Variants in SDK1 observed in about 807,000 individuals in gnomAD.
The protein encoded by SDK1 is sidekick cell adhesion molecule 1.
In SDK1, 157 loss-of-function variants were observed where a neutral mutation model predicts 245.5. That is an observed-to-expected ratio of 0.64 (90% CI 0.56 to 0.73). SDK1 has a LOEUF of 0.73. SDK1 is among the 30% of genes least tolerant of loss of function. The pLI, the probability that SDK1 is intolerant of heterozygous loss-of-function variation, is 0.00. For synonymous variants in SDK1, 1,647 were observed against 1,278.5 expected, an observed-to-expected ratio of 1.29 and a Z score of -6.15; for missense variants, 3,583 against 3,002.3, an observed-to-expected ratio of 1.19 and a Z score of -4.52.
At chr7:3,736,704 T>G (rs1215797440) in intron 4 of SDK1, among the ~76,000 whole-genome samples, 4 of 152,230 alleles carry the variant, frequency 2.6e-5, no homozygotes, top group Admixed American at 2.0e-4. Flanking sequence ...AGCGTGATGC[T>G]TTGATATACA....
chr7:4,084,699 AT>A (rs1562786753), intron 22 of SDK1, among the ~76,000 whole-genome samples: 1 of 136,430 alleles, frequency 7.3e-6, no homozygotes. Context: ...ATGTTATGTT[AT>A]GTTATGTTAT....
intron 1 of SDK1, among the ~76,000 whole-genome samples, chr7:3,334,190 A>ACTC (rs1201375408): frequency 6.6e-6 from 1 of 152,146 alleles, no homozygotes; most frequent in Non-Finnish European, 1.5e-5. Flanking sequence ...GAGTAGATTG[A>ACTC]AGTGAGTCAA....
intron 4 of SDK1, among the ~76,000 whole-genome samples, chr7:3,663,236 A>G (rs1471729597): frequency 2.0e-5 from 3 of 152,236 alleles, no homozygotes; most frequent in African/African-American, 7.2e-5. Flanking sequence ...TTTTAGAGTA[A>G]GATATATAAT....
intron 2 of SDK1, among the ~76,000 whole-genome samples, chr7:3,619,516 A>T (rs529433190): frequency 4.6e-5 from 7 of 152,270 alleles, no homozygotes; most frequent in Admixed American, 4.6e-4. Context: ...AGCAATGCCA[A>T]TAACAGCTTT....
chr7:3,815,629 A>T (rs1389809724), intron 4 of SDK1, among the ~76,000 whole-genome samples: 1 of 150,160 alleles, frequency 6.7e-6, no homozygotes, highest in African/African-American at 2.5e-5. Context: ...CTGGCCTCAT[A>T]AAATGAGTTA....
intron 1 of SDK1, among the ~76,000 whole-genome samples, chr7:3,439,479 G>GGAA (rs1183763023): frequency 6.6e-6 from 1 of 152,132 alleles, no homozygotes; most frequent in Non-Finnish European, 1.5e-5. Flanking sequence ...CTAAGACTCA[G>GGAA]TGGACAGCAA....
At chr7:3,471,081 T>C (rs929067118) in intron 1 of SDK1, among the ~76,000 whole-genome samples, 2 of 152,206 alleles carry the variant, frequency 1.3e-5, no homozygotes, top group African/African-American at 4.8e-5. Context: ...GGACTATTGG[T>C]ATATGGGACA....
At chr7:3,360,894 G>A (rs1780933588) in intron 1 of SDK1, among the ~76,000 whole-genome samples, 1 of 140,816 alleles carries the variant, frequency 7.1e-6, no homozygotes, top group South Asian at 2.2e-4. Context: ...TATGTGTCAT[G>A]ATGCATTTGA....
chr7:3,373,200 C>T lies in SDK1; in HGVS notation c.298+71316C>T, dbSNP rs538286893. On this transcript the variant is annotated intron_variant, in intron 1 of 44. Coordinates refer to ENST00000404826, the MANE Select transcript of SDK1 (RefSeq NM_152744.4). Reference sequence around the variant, plus strand: ...ATAGCCTAGCCTACCCTACCTTAAACGTGCTCAGAGCACTTACATTAGCCT... The same window carrying T: ...ATAGCCTAGCCTACCCTACCTTAAATGTGCTCAGAGCACTTACATTAGCCT... 9.2e-5 allele frequency among the ~76,000 whole-genome samples: 14 copies of T among 152,288 alleles called. No homozygotes were observed. In the South Asian group the frequency reaches 1.2e-3, roughly 14 times the overall value.
chr7:3,393,733 G>C (rs1207125505), intron 1 of SDK1, among the ~76,000 whole-genome samples: 1 of 152,008 alleles, frequency 6.6e-6, no homozygotes, highest in Non-Finnish European at 1.5e-5. Flanking sequence ...TTATCTGATA[G>C]TATTCTGAAT....
At chr7:3,991,939 CAGAA>C (rs1470234569) in intron 14 of SDK1, among the ~76,000 whole-genome samples, 1 of 152,222 alleles carries the variant, frequency 6.6e-6, no homozygotes, top group African/African-American at 2.4e-5. Context: ...TAATTAGAGC[CAGAA>C]AGAACAGCTT....
intron 2 of SDK1, among the ~76,000 whole-genome samples, chr7:3,624,963 C>T (rs1352413597): frequency 2.0e-5 from 3 of 151,986 alleles, no homozygotes; most frequent in African/African-American, 4.8e-5. Context: ...CCCTTGAACC[C>T]GGGAGGCGGA....
intron 1 of SDK1, among the ~76,000 whole-genome samples, chr7:3,454,223 G>A (rs962826285): frequency 1.3e-5 from 2 of 152,056 alleles, no homozygotes; most frequent in Non-Finnish European, 2.9e-5. Context: ...TTACATCAAG[G>A]AAAACCAGGT....
intron 1 of SDK1, among the ~76,000 whole-genome samples, chr7:3,333,494 C>G (rs1277456743): frequency 2.6e-5 from 4 of 152,166 alleles, no homozygotes; most frequent in Non-Finnish European, 2.9e-5. Context: ...CTCTCATTAT[C>G]TCTGACTACT....
intron 40 of SDK1, among the ~76,000 whole-genome samples, chr7:4,226,067 C>G (rs979687414): frequency 2.6e-5 from 4 of 152,160 alleles, no homozygotes; most frequent in Non-Finnish European, 4.4e-5. Flanking sequence ...TTGCTGGTAC[C>G]TGAGGGCTTT....
chr7:3,585,794 A>G (rs1780667537), intron 1 of SDK1, among the ~76,000 whole-genome samples: 1 of 152,292 alleles, frequency 6.6e-6, no homozygotes, highest in South Asian at 2.1e-4. Context: ...CAGGTGTGCC[A>G]CTTTTGCCTC....
At chr7:3,900,698 G>C (rs1409073842) in intron 5 of SDK1, among the ~76,000 whole-genome samples, 1 of 152,030 alleles carries the variant, frequency 6.6e-6, no homozygotes, top group South Asian at 2.1e-4. Context: ...CCCACCATGA[G>C]CATTTGGCCG....
intron 1 of SDK1, among the ~76,000 whole-genome samples, chr7:3,531,138 G>C (rs1020255459): frequency 3.9e-5 from 6 of 152,158 alleles, no homozygotes; most frequent in African/African-American, 1.4e-4. Context: ...ACATGTTCCT[G>C]ATTGTCACAC....
At chr7:3,366,363 T>A (rs910293557) in intron 1 of SDK1, among the ~76,000 whole-genome samples, 14 of 152,056 alleles carry the variant, frequency 9.2e-5, no homozygotes, top group South Asian at 6.2e-4. Context: ...TTTTTTTTTT[T>A]ATTTCACAAT....
Sources: allele counts gnomAD v4.1 joint callset (sites outside exome capture counted in the v4.1 genomes callset), GRCh38; gene constraint gnomAD v4.1.1; transcripts MANE v1.5; gene names NCBI Gene and HGNC (gene_info 2026-07-23, HGNC 2026-07-21).